The following INPP5A variants were observed in gnomAD, a reference collection of about 807,000 sequenced individuals.
The protein encoded by INPP5A is 43 kDa inositol polyphosphate 5-phophatase.
A neutral mutation model predicts 65.2 loss-of-function variants in INPP5A; 14 were observed. The ratio of observed to expected loss-of-function variants is 0.21; its 90% CI spans 0.14 to 0.34. INPP5A has a LOEUF of 0.34. Among genes scored for constraint, INPP5A ranks in the 10% least tolerant of loss-of-function variants. The pLI is 1.00. For synonymous variants in INPP5A, 207 were observed against 208.3 expected (o/e 0.99, Z 0.05); for missense variants, 431 against 545.6 (o/e 0.79, Z 2.09).
chr10:132,710,240 G>T lies in INPP5A; in HGVS notation c.528-97G>T, dbSNP rs1845610650. 18 of 1,453,046 alleles carry T rather than the reference G, an allele frequency of 1.2e-5. No individual in the cohort carries two copies. The South Asian group carries it at 2.3e-4, about 19-fold the overall frequency. 90.0% of individuals were successfully genotyped at this position (1,453,046 alleles called of 1,614,324 possible). A position where few individuals can be genotyped will look rare whatever the true frequency, so the allele number is the denominator to read the frequency against. On this transcript the variant is annotated intron_variant, in intron 7 of 15. Transcript: ENST00000368594. ...GGGTGGCTCCGCACGGCGGAGGCCAGTGCAGGTCTTATCTTCCCGGGGACT... is the reference window on the plus strand; with the variant it reads ...GGGTGGCTCCGCACGGCGGAGGCCATTGCAGGTCTTATCTTCCCGGGGACT...
At position 132,678,768 on chromosome 10, in the gene INPP5A, A is replaced by T. The variant is rs1435403492; in HGVS notation, c.307-11624A>T. 6.6e-6 allele frequency among the ~76,000 whole-genome samples: 1 copy of T among 152,238 alleles called. No individual in the cohort carries two copies. Among genetic ancestry groups the T allele is most frequent in the African/African-American group, 2.4e-5 (1 of 41,470 alleles). ...AGTGCTGGAATATGCAGCACCTTGA[A>T]GGAAAGGCTGGGGACTGGGACTGCC... On this transcript the variant is annotated intron_variant, in intron 4 of 15. Coordinates refer to ENST00000368594, the MANE Select transcript of INPP5A (RefSeq NM_005539.5). The surrounding 1 kb of genome is among the most constrained non-coding windows in gnomAD (Gnocchi z 4.1).
intron 1 of INPP5A, among the ~76,000 whole-genome samples, chr10:132,572,556 C>T (rs749652382): frequency 1.3e-5 from 2 of 151,762 alleles, no homozygotes; most frequent in Non-Finnish European, 2.9e-5. Flanking sequence ...TGTGAAGCAG[C>T]GTGACCCAGG....
At chr10:132,605,969 A>G (rs2071843586) in intron 1 of INPP5A, among the ~76,000 whole-genome samples, 1 of 152,276 alleles carries the variant, frequency 6.6e-6, no homozygotes, top group East Asian at 1.9e-4. Flanking sequence ...TCCACAGTCA[A>G]TGTTGGGGGA....
chr10:132,576,669 A>G (rs775561696), intron 1 of INPP5A, among the ~76,000 whole-genome samples: 5 of 152,216 alleles, frequency 3.3e-5, no homozygotes, highest in African/African-American at 1.2e-4. Context: ...ACAAACTTGC[A>G]TATGTTACTT....
At chr10:132,624,233 C>G (rs530194100) in intron 2 of INPP5A, among the ~76,000 whole-genome samples, 8 of 152,236 alleles carry the variant, frequency 5.3e-5, no homozygotes, top group African/African-American at 1.9e-4. Context: ...CACCTGTGAT[C>G]CCCGCCTCTG....
chr10:132,557,849 G>T lies in INPP5A; in HGVS notation c.75+19678G>T, dbSNP rs578262410. ...GCATCTTACCCTGGGTCTCTGTTCAGAGTGTGGCAGCCACGGCTTATGGCG... is the reference window on the plus strand; with the variant it reads ...GCATCTTACCCTGGGTCTCTGTTCATAGTGTGGCAGCCACGGCTTATGGCG... On this transcript the variant is annotated intron_variant, in intron 1 of 15. Transcript: ENST00000368594. Among the ~76,000 whole-genome samples the T allele has an allele frequency of 6.6e-5, 10 of 152,340 alleles. No individual in the cohort carries two copies. The East Asian group carries it at 1.7e-3, about 26-fold the overall frequency.
Position 132,658,956 on chromosome 10 carries a change from T to C in INPP5A, c.306+8451T>C, listed in dbSNP as rs533477252. ...TGCCGCCAGCATCTGCGCTTCCTCG[T>C]GGGTGCTCAACAGGCTGCCTGGGAA... On this transcript the variant is annotated intron_variant, in intron 4 of 15. Transcript: ENST00000368594. 2.6e-5 allele frequency among the ~76,000 whole-genome samples: 4 copies of C among 152,170 alleles called. No individual in the cohort carries two copies. In the East Asian group the frequency reaches 5.8e-4, roughly 22 times the overall value.
rs112764919 is a variant in INPP5A, at chr10:132,645,445, C to T, written c.118-423C>T. ...GCGTGCTGGTACGTGCTCCCGCACA[C>T]GTATGCACACGTGTGCACCCTTGCT... On this transcript the variant is annotated intron_variant, in intron 2 of 15. Transcript: ENST00000368594. Among the ~76,000 whole-genome samples the T allele has an allele frequency of 3.0e-3, 452 of 152,242 alleles. 2 individuals are homozygous for T. Among genetic ancestry groups the T allele is most frequent in the African/African-American group, 0.01 (432 of 41,492 alleles).
chr10:132,655,084 C>G (rs2072635968), intron 4 of INPP5A, among the ~76,000 whole-genome samples: 1 of 152,248 alleles, frequency 6.6e-6, no homozygotes, highest in Admixed American at 6.5e-5. Flanking sequence ...TGGCTCAGGG[C>G]AGAAGGCCCC....
chr10:132,541,420 C>T lies in INPP5A; in HGVS notation c.75+3249C>T, dbSNP rs865930874. On this transcript the variant is annotated intron_variant, in intron 1 of 15. Coordinates refer to ENST00000368594, the MANE Select transcript of INPP5A (RefSeq NM_005539.5). ...TTGTGACCCCAGATTGGCCATGCTG[C>T]GGGCTGCGGGGCTGTCCCCACTGGG... is the stretch of plus-strand genomic sequence containing the variant. Among the ~76,000 whole-genome samples the T allele has an allele frequency of 9.9e-5, 15 of 152,184 alleles. 1 individual carries two copies. Among genetic ancestry groups the T allele is most frequent in the South Asian group, 4.1e-4 (2 of 4,830 alleles).
intron 11 of INPP5A, among the ~76,000 whole-genome samples, chr10:132,757,280 C>T (rs1416551520): frequency 3.3e-5 from 5 of 152,252 alleles, no homozygotes; most frequent in Admixed American, 6.5e-5. Flanking sequence ...CACCCCCGCC[C>T]GCTCACCAGC....
intron 2 of INPP5A, among the ~76,000 whole-genome samples, chr10:132,624,263 G>T (rs893149579): frequency 3.2e-4 from 49 of 152,236 alleles, no homozygotes; most frequent in African/African-American, 1.1e-3. Flanking sequence ...TCCATTTCTG[G>T]GTCACATGGA....
chr10:132,590,143 G>C (rs896898747), intron 1 of INPP5A, among the ~76,000 whole-genome samples: 1 of 152,226 alleles, frequency 6.6e-6, no homozygotes, highest in Non-Finnish European at 1.5e-5. Flanking sequence ...AATTGGTCAA[G>C]GTATGTGGCT....
chr10:132,548,436 G>A (rs943325763), intron 1 of INPP5A, among the ~76,000 whole-genome samples: 1 of 152,214 alleles, frequency 6.6e-6, no homozygotes, highest in Admixed American at 6.5e-5. Context: ...ACCCGGCCTG[G>A]GGGTGTTCCG....
chr10:132,746,209 C>T (rs1377848351), intron 9 of INPP5A, among the ~76,000 whole-genome samples: 1 of 152,224 alleles, frequency 6.6e-6, no homozygotes, highest in African/African-American at 2.4e-5. Context: ...TGCCTGGAGG[C>T]TACAGCCAGC....
intron 6 of INPP5A, among the ~76,000 whole-genome samples, chr10:132,699,851 G>T (rs1241694383): frequency 6.6e-6 from 1 of 152,200 alleles, no homozygotes; most frequent in Non-Finnish European, 1.5e-5. Context: ...TTCTCTTTTG[G>T]ACCCAGCAAG....
intron 1 of INPP5A, among the ~76,000 whole-genome samples, chr10:132,561,143 A>G (rs1186444891): frequency 2.7e-5 from 4 of 149,244 alleles, no homozygotes; most frequent in Admixed American, 2.7e-4. Context: ...GTTCATTGCA[A>G]CCTCGACCTC....
intron 6 of INPP5A, among the ~76,000 whole-genome samples, chr10:132,701,763 C>A (rs557717226): frequency 6.6e-6 from 1 of 152,240 alleles, no homozygotes; most frequent in African/African-American, 2.4e-5. Flanking sequence ...CCACCCCACC[C>A]CAGCCCTGGC....
intron 2 of INPP5A, among the ~76,000 whole-genome samples, chr10:132,609,275 C>T (rs2133342774): frequency 6.6e-6 from 1 of 152,352 alleles, no homozygotes; most frequent in African/African-American, 2.4e-5. Flanking sequence ...ATCATCTGCT[C>T]AGCGCTCACT....
Sources: allele counts gnomAD v4.1 joint callset (sites outside exome capture counted in the v4.1 genomes callset), GRCh38; gene constraint gnomAD v4.1.1; non-coding constraint Gnocchi (gnomAD v3.1); transcripts MANE v1.5; gene names NCBI Gene and HGNC (gene_info 2026-07-23, HGNC 2026-07-21).